The following CDK19 variants were observed in gnomAD, a reference collection of about 807,000 sequenced individuals.
The protein encoded by CDK19 is cyclin dependent kinase 19.
In CDK19, 20 loss-of-function variants were observed where a neutral mutation model predicts 68.3. That is an observed-to-expected ratio of 0.29 (90% CI 0.21 to 0.43). CDK19 has a LOEUF of 0.43. CDK19 is among the 20% of genes least tolerant of loss of function. The pLI is 1.00. For synonymous variants in CDK19, 221 were observed against 222.8 expected, an observed-to-expected ratio of 0.99 and a Z score of 0.07; for missense variants, 339 against 623.5, an observed-to-expected ratio of 0.54 and a Z score of 4.86.
chr6:110,629,376 C>T (rs1038682896), intron 6 of CDK19, among the ~76,000 whole-genome samples: 6 of 152,144 alleles, frequency 3.9e-5, no homozygotes, highest in African/African-American at 1.4e-4. Flanking sequence ...CCCAACACTG[C>T]TTGTCACCAT....
intron 1 of CDK19, among the ~76,000 whole-genome samples, chr6:110,785,297 C>T (rs959550244): frequency 6.6e-5 from 10 of 152,106 alleles, no homozygotes; most frequent in Non-Finnish European, 1.5e-4. Context: ...GGCTTAGTGG[C>T]GCTTACCCCA....
At position 110,653,540 on chromosome 6, in the gene CDK19, G is replaced by A. The variant is rs1163690523; in HGVS notation, c.456+13894C>T. On this transcript the variant is annotated intron_variant, in intron 4 of 12. Transcript: ENST00000368911. ...CACAAAATGCCAGCTGTGAAAGAAA[G>A]TGATACTGCTGGGTTTGCACACTTT... Among the ~76,000 whole-genome samples, 8 of 152,306 alleles carry A rather than the reference G, an allele frequency of 5.3e-5. No individual in the cohort carries two copies. In the East Asian group the frequency reaches 1.2e-3, roughly 22 times the overall value.
Position 110,646,550 on chromosome 6 carries a change from T to C in CDK19, c.457-7844A>G, listed in dbSNP as rs535389138. ...CCTCCACCTGCAACAGGTGCTTAAGTCGTGCTGAGTACGGCCACCTGCAGG... is the reference window on the plus strand; with the variant it reads ...CCTCCACCTGCAACAGGTGCTTAAGCCGTGCTGAGTACGGCCACCTGCAGG... On this transcript the variant is annotated intron_variant, in intron 4 of 12. Transcript: ENST00000368911. 3.2e-4 allele frequency: 362 copies of C among 1,141,104 alleles called. 3 individuals are homozygous for C. The African/African-American group carries it at 4.8e-3, about 15-fold the overall frequency. 70.7% of individuals were successfully genotyped at this position (1,141,104 alleles called of 1,614,324 possible). A position where few individuals can be genotyped will look rare whatever the true frequency, so the allele number is the denominator to read the frequency against.
At chr6:110,724,132 T>A (rs1776152696) in intron 2 of CDK19, among the ~76,000 whole-genome samples, 2 of 151,556 alleles carry the variant, frequency 1.3e-5, no homozygotes, top group South Asian at 2.1e-4. Flanking sequence ...GGCGGGTGGA[T>A]CACCTGAGGG....
intron 4 of CDK19, among the ~76,000 whole-genome samples, chr6:110,646,791 G>A (rs1248137287): frequency 1.3e-5 from 2 of 151,988 alleles, no homozygotes; most frequent in Admixed American, 6.6e-5. Flanking sequence ...CTCATCGTGG[G>A]GTGGCGGGCA....
At chr6:110,734,193 A>T (rs1776996936) in intron 2 of CDK19, among the ~76,000 whole-genome samples, 1 of 152,024 alleles carries the variant, frequency 6.6e-6, no homozygotes, top group Non-Finnish European at 1.5e-5. Context: ...TATTTTTAGT[A>T]GAGATGGGGT....
chr6:110,698,378 A>T (rs1318333489), intron 2 of CDK19, among the ~76,000 whole-genome samples: 1 of 152,154 alleles, frequency 6.6e-6, no homozygotes, highest in South Asian at 2.1e-4. Context: ...AAGAAGATAT[A>T]CAAATGGTCA....
intron 2 of CDK19, among the ~76,000 whole-genome samples, chr6:110,672,160 C>T (rs1771065413): frequency 6.6e-6 from 1 of 152,084 alleles, no homozygotes; most frequent in Admixed American, 6.6e-5. Context: ...GAGACTTCAC[C>T]CCAGGCACAA....
chr6:110,711,292 T>C (rs761133305), intron 2 of CDK19, among the ~76,000 whole-genome samples: 22 of 152,256 alleles, frequency 1.4e-4, no homozygotes, highest in Admixed American at 5.2e-4. Flanking sequence ...AAATTGTGCT[T>C]ATTTATTAAT....
intron 8 of CDK19, among the ~76,000 whole-genome samples, chr6:110,626,494 G>A (rs2114665240): frequency 6.6e-6 from 1 of 152,276 alleles, no homozygotes; most frequent in South Asian, 2.1e-4. Context: ...TGAGGGCTTT[G>A]CTTTGAGGAG....
At position 110,610,397 on chromosome 6, in the gene CDK19, TTA is replaced by T. The variant is rs1036994417; in HGVS notation, c.*4136_*4137del. On this transcript the variant is annotated 3_prime_UTR_variant, in exon 13 of 13. Coordinates refer to ENST00000368911, the MANE Select transcript of CDK19 (RefSeq NM_015076.5). ...TCAGTCCAGATTTTGTGTAATACTT[TTA>T]GTGTCTACACAGACAAATCTTTAAA... The T allele has an allele frequency of 2.6e-5, 4 of 152,632 alleles. No homozygotes were observed. Among genetic ancestry groups the T allele is most frequent in the Admixed American group, 6.5e-5 (1 of 15,278 alleles). The allele number at this position is 152,632 out of a possible 1,614,324, so 9.5% of individuals were successfully genotyped here. A position where few individuals can be genotyped will look rare whatever the true frequency, so the allele number is the denominator to read the frequency against.
intron 2 of CDK19, among the ~76,000 whole-genome samples, chr6:110,707,484 A>T (rs1237287185): frequency 6.6e-6 from 1 of 152,136 alleles, no homozygotes; most frequent in Non-Finnish European, 1.5e-5. Context: ...AGATCATATC[A>T]TCTATCTGTA....
chr6:110,721,736 C>A (rs1318679649), intron 2 of CDK19, among the ~76,000 whole-genome samples: 2 of 152,094 alleles, frequency 1.3e-5, no homozygotes, highest in Non-Finnish European at 2.9e-5. Context: ...GAGGCCGAGG[C>A]AGGCAGATCA....
At chr6:110,780,573 G>A (rs1029490010) in intron 1 of CDK19, among the ~76,000 whole-genome samples, 1 of 151,962 alleles carries the variant, frequency 6.6e-6, no homozygotes. Context: ...CCAAGCTTCT[G>A]AGTGGATAAA....
chr6:110,795,782 T>C (rs1781894529), intron 1 of CDK19, among the ~76,000 whole-genome samples: 1 of 151,588 alleles, frequency 6.6e-6, no homozygotes, highest in Non-Finnish European at 1.5e-5. Flanking sequence ...GCAGAGAGAG[T>C]TCAGTAAAGC....
Position 110,715,613 on chromosome 6 carries a change from G to A in CDK19, c.204+30513C>T, listed in dbSNP as rs745701494. On this transcript the variant is annotated intron_variant, in intron 2 of 12. Transcript: ENST00000368911. ...AGCGATTCTCCTGCCTCAGTCCCCCGAGTACTTGAGATACAGGCGTGCGCC... is the reference window on the plus strand; with the variant it reads ...AGCGATTCTCCTGCCTCAGTCCCCCAAGTACTTGAGATACAGGCGTGCGCC... Among the ~76,000 whole-genome samples the A allele has an allele frequency of 5.9e-5, 9 of 152,034 alleles. 1 individual carries two copies. Among genetic ancestry groups the A allele is most frequent in the Admixed American group, 4.6e-4 (7 of 15,246 alleles).
chr6:110,617,724 A>G (rs2817805), intron 12 of CDK19, among the ~76,000 whole-genome samples: 75,018 of 142,244 alleles, frequency 0.53, 21,147 homozygotes, highest in East Asian at 0.88. Flanking sequence ...GGGAGTGGTG[A>G]TACATGCCTG....
At chr6:110,715,817 A>T (rs1775343301) in intron 2 of CDK19, among the ~76,000 whole-genome samples, 1 of 152,194 alleles carries the variant, frequency 6.6e-6, no homozygotes, top group African/African-American at 2.4e-5. Flanking sequence ...GTAAATGATC[A>T]TCAAAGTCTC....
chr6:110,711,573 G>T (rs77957755), intron 2 of CDK19, among the ~76,000 whole-genome samples: 1 of 151,996 alleles, frequency 6.6e-6, no homozygotes, highest in Non-Finnish European at 1.5e-5. Flanking sequence ...AAAAAAAATC[G>T]CTGGAAGACA....
Sources: allele counts gnomAD v4.1 joint callset (sites outside exome capture counted in the v4.1 genomes callset), GRCh38; gene constraint gnomAD v4.1.1; transcripts MANE v1.5; gene names NCBI Gene and HGNC (gene_info 2026-07-23, HGNC 2026-07-21).